The following NAALADL2 variants were observed in gnomAD, a reference collection of about 807,000 sequenced individuals.
The protein encoded by NAALADL2 is N-acetylated alpha-linked acidic dipeptidase like 2, also known as inactive N-acetylated-alpha-linked acidic dipeptidase-like protein 2.
A neutral mutation model predicts 87.2 loss-of-function variants in NAALADL2; 76 were observed. The observed-to-expected ratio is 0.87, with a 90% CI of 0.72 to 1.05. The LOEUF is 1.05. Among genes scored for constraint, NAALADL2 ranks in the 50% least tolerant of loss-of-function variants. The probability of loss-of-function intolerance (pLI) is 0.00; values close to 1 mark genes in which losing one functional copy is unlikely to be tolerated. For synonymous variants in NAALADL2, 354 were observed against 331.0 expected (o/e 1.07, Z -0.75); for missense variants, 1,089 against 945.8 (o/e 1.15, Z -1.99).
chr3:175,670,165 G>A (rs1399807053), intron 11 of NAALADL2, among the ~76,000 whole-genome samples: 1 of 151,710 alleles, frequency 6.6e-6, no homozygotes, highest in African/African-American at 2.4e-5. Flanking sequence ...CTTGCCCAAG[G>A]CAATAGACCA....
At chr3:174,513,887 A>G (rs1719760810) in intron 1 of NAALADL2, among the ~76,000 whole-genome samples, 1 of 152,106 alleles carries the variant, frequency 6.6e-6, no homozygotes, top group South Asian at 2.1e-4. Flanking sequence ...TAATTTTGCC[A>G]CTTCCTTCAG....
At chr3:175,253,486 A>G (rs1451875061) in intron 3 of NAALADL2, among the ~76,000 whole-genome samples, 1 of 152,170 alleles carries the variant, frequency 6.6e-6, no homozygotes, top group African/African-American at 2.4e-5. Context: ...TCCGATGGTG[A>G]TGTACAGGAG....
chr3:175,661,031 C>G (rs1034779980), intron 11 of NAALADL2, among the ~76,000 whole-genome samples: 7 of 152,104 alleles, frequency 4.6e-5, no homozygotes, highest in African/African-American at 1.7e-4. Context: ...GACTGATGGA[C>G]CGTAAGGTAG....
intron 6 of NAALADL2, among the ~76,000 whole-genome samples, chr3:175,457,949 T>A (rs1459867921): frequency 6.6e-6 from 1 of 152,142 alleles, no homozygotes; most frequent in Non-Finnish European, 1.5e-5. Context: ...AGGATTTATA[T>A]TCATAATAGA....
chr3:175,697,806 T>C (rs188354023), intron 11 of NAALADL2, among the ~76,000 whole-genome samples: 23 of 142,836 alleles, frequency 1.6e-4, no homozygotes, highest in African/African-American at 5.6e-4. Context: ...TATGTATATA[T>C]ATTTATGTAT....
At chr3:174,909,898 T>C (rs1733473447) in intron 1 of NAALADL2, among the ~76,000 whole-genome samples, 1 of 152,112 alleles carries the variant, frequency 6.6e-6, no homozygotes, top group African/African-American at 2.4e-5. Flanking sequence ...TTTGTAACAT[T>C]TGGTTAATAT....
chr3:175,105,028 A>G (rs2108446319), intron 2 of NAALADL2, among the ~76,000 whole-genome samples: 1 of 152,278 alleles, frequency 6.6e-6, no homozygotes, highest in South Asian at 2.1e-4. Flanking sequence ...GCACCCACCA[A>G]TGGGAAGAAT....
intron 1 of NAALADL2, among the ~76,000 whole-genome samples, chr3:174,872,552 C>T (rs1294406390): frequency 1.3e-5 from 2 of 152,082 alleles, no homozygotes; most frequent in African/African-American, 4.8e-5. Flanking sequence ...TGTATTATGC[C>T]TTTGTTCATC....
chr3:175,280,201 T>C (rs911679900), intron 4 of NAALADL2, among the ~76,000 whole-genome samples: 12 of 152,020 alleles, frequency 7.9e-5, no homozygotes, highest in African/African-American at 2.9e-4. Flanking sequence ...AAGTTTCTAT[T>C]CTTTCTAGTT....
chr3:175,352,168 A>AT (rs56305727), intron 5 of NAALADL2, among the ~76,000 whole-genome samples: 145 of 146,996 alleles, frequency 9.9e-4, no homozygotes, highest in Admixed American at 1.9e-3. Context: ...ACTGGCTTGG[A>AT]TTTTTTTTTT....
chr3:175,312,389 A>G (rs1581371273), intron 4 of NAALADL2, among the ~76,000 whole-genome samples: 1 of 151,356 alleles, frequency 6.6e-6, no homozygotes, highest in Non-Finnish European at 1.5e-5. Context: ...AAATGTCCCA[A>G]TCTATTGTTT....
intron 9 of NAALADL2, among the ~76,000 whole-genome samples, chr3:175,556,753 C>T (rs1715343793): frequency 6.6e-6 from 1 of 152,194 alleles, no homozygotes; most frequent in Non-Finnish European, 1.5e-5. Context: ...TTCTATATAT[C>T]TTAACTGTTT....
chr3:175,706,152 A>G (rs1387435790), intron 11 of NAALADL2, among the ~76,000 whole-genome samples: 2 of 152,124 alleles, frequency 1.3e-5, no homozygotes, highest in Non-Finnish European at 2.9e-5. Context: ...AATGGGGGAT[A>G]TAGAGTTTCT....
chr3:174,771,566 C>A (rs767323027), intron 3 of NAALADL2, among the ~76,000 whole-genome samples: 1 of 152,054 alleles, frequency 6.6e-6, no homozygotes, highest in Non-Finnish European at 1.5e-5. Flanking sequence ...AAAGGAATGG[C>A]GAAACATGCA....
chr3:174,489,304 T>G (rs1578011732), intron 1 of NAALADL2, among the ~76,000 whole-genome samples: 1 of 152,192 alleles, frequency 6.6e-6, no homozygotes, highest in East Asian at 1.9e-4. Context: ...AATGAAGTTT[T>G]ATTCTTACTT....
At position 175,442,988 on chromosome 3, in the gene NAALADL2, A is replaced by G. The variant is rs543966001; in HGVS notation, c.1091-4241A>G. Among the ~76,000 whole-genome samples the G allele has an allele frequency of 5.9e-5, 9 of 152,324 alleles. No homozygotes were observed. In the South Asian group the frequency reaches 1.9e-3, roughly 32 times the overall value. On this transcript the variant is annotated intron_variant, in intron 5 of 13. Transcript: ENST00000454872. Reference sequence around the variant, plus strand: ...ACGCTTTAAAATATCACTGAATAAAAATAGTACATGTGTTTAGCTTTGTTC... The same window carrying G: ...ACGCTTTAAAATATCACTGAATAAAGATAGTACATGTGTTTAGCTTTGTTC...
At chr3:174,709,732 A>G (rs1730441185) in intron 2 of NAALADL2, among the ~76,000 whole-genome samples, 1 of 152,202 alleles carries the variant, frequency 6.6e-6, no homozygotes, top group Admixed American at 6.5e-5. Flanking sequence ...TGCAGAAACT[A>G]CTAGACACTA....
At position 175,193,623 on chromosome 3, in the gene NAALADL2, G is replaced by C. The variant is rs145823259; in HGVS notation, c.546-40308G>C. On this transcript the variant is annotated intron_variant, in intron 2 of 13. Transcript: ENST00000454872. ...TACCCCATTCCATACCCCTCTACCT[G>C]TTTCAAATATTAGAGGCAAAGTCTC... is the stretch of plus-strand genomic sequence containing the variant. Among the ~76,000 whole-genome samples the C allele has an allele frequency of 4.6e-5, 7 of 151,702 alleles. No individual in the cohort carries two copies. The East Asian group carries it at 1.4e-3, about 29-fold the overall frequency.
At position 175,467,083 on chromosome 3, in the gene NAALADL2, A is replaced by G; in HGVS notation, c.1432A>G (p.Met478Val). 6.2e-7 allele frequency: 1 copy of G among 1,613,932 alleles called. No homozygotes were observed. The highest frequency in any genetic ancestry group is 8.5e-7 in the Non-Finnish European group (1 of 1,179,842). ...AATCACAGCGTTTATCCGTGCCTTG[A>G]TGTCAAAAGTTAAGAGAGGGTGGAG... ...AIITAFIRAL[M>V]SKVKRGWRPD... The change falls in exon 8 of 14, where the codon ATG (methionine) becomes GTG (valine). Residue 478 changes from methionine to valine, a missense_variant. Met to Val is a conservative substitution (Grantham distance 21). Coordinates refer to ENST00000454872, the MANE Select transcript of NAALADL2 (RefSeq NM_207015.3).
Sources: allele counts gnomAD v4.1 joint callset (sites outside exome capture counted in the v4.1 genomes callset), GRCh38; gene constraint gnomAD v4.1.1; transcripts MANE v1.5; gene names NCBI Gene and HGNC (gene_info 2026-07-23, HGNC 2026-07-21).